Variants in PLPPR1 observed in about 807,000 individuals in gnomAD.
The protein encoded by PLPPR1 is phospholipid phosphatase-related protein type 1.
A neutral mutation model predicts 33.1 loss-of-function variants in PLPPR1; 10 were observed. The observed-to-expected ratio is 0.30, with a 90% CI of 0.19 to 0.51. PLPPR1 has a LOEUF of 0.51. Among genes scored for constraint, PLPPR1 ranks in the 20% least tolerant of loss-of-function variants. The pLI is 0.97. For missense variants in PLPPR1, 304 were observed against 408.1 expected (o/e 0.74, Z 2.20); for synonymous variants, 151 against 151.0 (o/e 1.00, Z 0.00).
chr9:101,072,417 A>G (rs1364213855), intron 1 of PLPPR1, among the ~76,000 whole-genome samples: 2 of 152,128 alleles, frequency 1.3e-5, no homozygotes, highest in African/African-American at 4.8e-5. Flanking sequence ...CATGCATTCC[A>G]TTATAGCCAG....
chr9:101,187,934 T>TA (rs1239727564), intron 2 of PLPPR1: 1 of 151,720 alleles, frequency 6.6e-6, no homozygotes, highest in African/African-American at 2.4e-5. Context: ...TTCTTTTCCC[T>TA]ACATGTTTCC....
intron 1 of PLPPR1, among the ~76,000 whole-genome samples, chr9:101,053,265 G>C (rs7032166): frequency 0.013 from 1,904 of 152,102 alleles, 22 homozygotes; most frequent in African/African-American, 0.027. Context: ...GCTTCTTCCC[G>C]CTCACTTCCT....
At chr9:101,279,061 A>G (rs2118906711) in intron 3 of PLPPR1, among the ~76,000 whole-genome samples, 2 of 152,346 alleles carry the variant, frequency 1.3e-5, no homozygotes, top group Middle Eastern at 3.4e-3. Context: ...CACCAAAGGG[A>G]CAAAATAAAA....
rs533832095 is a variant in PLPPR1, at chr9:101,154,964, G to A, written c.-45-30486G>A. 2.1e-4 allele frequency among the ~76,000 whole-genome samples: 24 copies of A among 112,582 alleles called. No homozygotes were observed. The South Asian group carries it at 9.2e-3, about 43-fold the overall frequency. The allele number at this position is 112,582 out of a possible 152,430, so 73.9% of individuals were successfully genotyped here. On this transcript the variant is annotated intron_variant, in intron 1 of 7. Coordinates refer to ENST00000374874, the MANE Select transcript of PLPPR1 (RefSeq NM_207299.2). ...CATCACACACTGGGGCCTCTCATGG[G>A]GTGGGGGGAGGGGGGAGGGATAGCA...
At chr9:101,089,585 T>C (rs975726740) in intron 1 of PLPPR1, among the ~76,000 whole-genome samples, 1 of 152,196 alleles carries the variant, frequency 6.6e-6, no homozygotes, top group African/African-American at 2.4e-5. Context: ...AAAAATGTAG[T>C]ATGAACATTT....
At chr9:101,125,376 T>G (rs552313326) in intron 1 of PLPPR1, 1 of 176,826 alleles carries the variant, frequency 5.7e-6, no homozygotes, top group East Asian at 1.7e-4. Flanking sequence ...ACTTACTTAC[T>G]TGTCTCAATT....
chr9:101,084,627 G>A (rs1415375971), intron 1 of PLPPR1, among the ~76,000 whole-genome samples: 1 of 152,208 alleles, frequency 6.6e-6, no homozygotes, highest in Non-Finnish European at 1.5e-5. Flanking sequence ...CGATGTGACA[G>A]TTTGCTTTGC....
At chr9:101,215,031 A>C (rs571125098) in intron 2 of PLPPR1, among the ~76,000 whole-genome samples, 4 of 152,028 alleles carry the variant, frequency 2.6e-5, no homozygotes, top group South Asian at 2.1e-4. Context: ...AAATTAAAAA[A>C]AAAAAAAAAG....
intron 1 of PLPPR1, among the ~76,000 whole-genome samples, chr9:101,049,613 A>G (rs1287947063): frequency 6.6e-6 from 1 of 152,172 alleles, no homozygotes; most frequent in Non-Finnish European, 1.5e-5. Flanking sequence ...GACTTGTCCA[A>G]GGTCTCACAA....
intron 1 of PLPPR1, among the ~76,000 whole-genome samples, chr9:101,032,626 TCATTAAATAAATGAATGAGAAATCCAGC>T (rs370419742): frequency 4.4e-4 from 67 of 152,174 alleles, no homozygotes; most frequent in African/African-American, 1.4e-3. Flanking sequence ...GTTGAATGAA[TCATTAAATAAATGAATGAGAAATCCAGC>T]CATGAGGTGA....
chr9:101,288,649 A>G (rs116088917), intron 4 of PLPPR1, among the ~76,000 whole-genome samples: 2 of 152,296 alleles, frequency 1.3e-5, no homozygotes, highest in Admixed American at 6.5e-5. Flanking sequence ...TTGCTCAAGT[A>G]AAAAACCTGA....
At chr9:101,140,531 A>G (rs1406055451) in intron 1 of PLPPR1, among the ~76,000 whole-genome samples, 2 of 152,216 alleles carry the variant, frequency 1.3e-5, no homozygotes, top group Non-Finnish European at 2.9e-5. Flanking sequence ...GGCTGTCTCC[A>G]CAAGGACTTT....
At chr9:101,182,953 C>T (rs774278892) in intron 1 of PLPPR1, among the ~76,000 whole-genome samples, 24 of 151,528 alleles carry the variant, frequency 1.6e-4, no homozygotes, top group Non-Finnish European at 3.0e-4. Context: ...TATCATTTCA[C>T]GCCCAGTAGA....
intron 1 of PLPPR1, among the ~76,000 whole-genome samples, chr9:101,109,652 C>G (rs1265106889): frequency 6.6e-6 from 1 of 152,130 alleles, no homozygotes; most frequent in Non-Finnish European, 1.5e-5. Flanking sequence ...GCACAAAGCA[C>G]TTAATGTTGA....
intron 2 of PLPPR1, among the ~76,000 whole-genome samples, chr9:101,246,107 T>TATAGATAGATAGATAGATAGATAGATAG (rs1249953933): frequency 2.0e-5 from 2 of 98,302 alleles, no homozygotes; most frequent in African/African-American, 6.4e-5. Context: ...TATATATATA[T>TATAGATAGATAGATAGATAGATAGATAG]ATAGATAGAT....
intron 4 of PLPPR1, among the ~76,000 whole-genome samples, chr9:101,286,907 T>G (rs1054727832): frequency 3.9e-5 from 6 of 152,162 alleles, no homozygotes; most frequent in Non-Finnish European, 7.4e-5. Flanking sequence ...ATTACAGTAT[T>G]CTAATGAGAT....
rs181205262 is a variant in PLPPR1 at position 101,111,206 on chromosome 9, C to G, written c.-45-74244C>G. Among the ~76,000 whole-genome samples, 10 of 152,120 alleles carry G rather than the reference C, an allele frequency of 6.6e-5. No individual in the cohort carries two copies. The East Asian group carries it at 1.7e-3, about 26-fold the overall frequency. ...TAAATCTATGTTTCCTAAGTACTCTCTAAAGAACAAGTGTTATTGCTATTA... is the reference window on the plus strand; with the variant it reads ...TAAATCTATGTTTCCTAAGTACTCTGTAAAGAACAAGTGTTATTGCTATTA... On this transcript the variant is annotated intron_variant, in intron 1 of 7. Coordinates refer to ENST00000374874, the MANE Select transcript of PLPPR1 (RefSeq NM_207299.2).
At position 101,261,494 on chromosome 9, in the gene PLPPR1, A is replaced by C. The variant is rs1827898541; in HGVS notation, c.64-8386A>C. On this transcript the variant is annotated intron_variant, in intron 2 of 7. Coordinates refer to ENST00000374874, the MANE Select transcript of PLPPR1 (RefSeq NM_207299.2). ...AGAGGGGATGAATTCTCATATACAC[A>C]CTGGTACATTTGAAGTCCCTCAGTT... is the stretch of plus-strand genomic sequence containing the variant. Among the ~76,000 whole-genome samples the C allele has an allele frequency of 2.0e-5, 3 of 152,292 alleles. No homozygotes were observed. The South Asian group carries it at 6.2e-4, about 32-fold the overall frequency.
At chr9:101,098,941 C>G (rs1014666253) in intron 1 of PLPPR1, among the ~76,000 whole-genome samples, 1 of 152,082 alleles carries the variant, frequency 6.6e-6, no homozygotes, top group Non-Finnish European at 1.5e-5. Context: ...AGGCTGTCCT[C>G]GACATGCTTG....
Sources: gnomAD v4.1 joint callset for allele counts (sites outside exome capture counted in the v4.1 genomes callset) on GRCh38, gnomAD v4.1.1 for gene constraint, MANE v1.5 for transcripts, NCBI Gene and HGNC (gene_info 2026-07-23, HGNC 2026-07-21) for gene names.